The following EPHA6 variants were observed in gnomAD, a reference collection of about 807,000 sequenced individuals.
EPHA6 encodes EPH receptor A6.
EPHA6 carries 50 observed loss-of-function variants against 112.0 expected under a neutral mutation model. The observed-to-expected ratio is 0.45, with a 90% confidence interval of 0.36 to 0.56. The LOEUF is 0.56. EPHA6 is among the 20% of genes least tolerant of loss of function. The pLI, the probability that EPHA6 is intolerant of heterozygous loss-of-function variation, is 0.00. For missense variants in EPHA6, 1,280 were observed against 1,417.4 expected (o/e 0.90, Z 1.56); for synonymous variants, 529 against 490.7 (o/e 1.08, Z -1.03).
intron 14 of EPHA6, among the ~76,000 whole-genome samples, chr3:97,641,753 A>G (rs1011323602): frequency 1.2e-4 from 19 of 152,216 alleles, no homozygotes; most frequent in Admixed American, 1.3e-4. Flanking sequence ...ACAGCGCACC[A>G]CGAGATTATA....
intron 5 of EPHA6, among the ~76,000 whole-genome samples, chr3:97,249,930 C>G (rs568076927): frequency 1.3e-5 from 2 of 152,080 alleles, no homozygotes; most frequent in African/African-American, 2.4e-5. Flanking sequence ...CTTTTATAGA[C>G]ATTATACTTT....
chr3:96,955,447 C>T (rs1420094369), intron 2 of EPHA6, among the ~76,000 whole-genome samples: 1 of 152,120 alleles, frequency 6.6e-6, no homozygotes, highest in Non-Finnish European at 1.5e-5. Context: ...TAATGGATAT[C>T]TTCTAAGGAA....
chr3:97,045,779 T>C (rs929522026), intron 3 of EPHA6, among the ~76,000 whole-genome samples: 5 of 152,106 alleles, frequency 3.3e-5, no homozygotes, highest in African/African-American at 9.6e-5. Flanking sequence ...TTGTCAGCAA[T>C]GTTTGACCAC....
Position 97,749,304 on chromosome 3 carries a change from G to A in EPHA6, c.*603G>A, listed in dbSNP as rs541808061. 1 of 215,458 alleles carries A rather than the reference G, an allele frequency of 4.6e-6. No homozygotes were observed. Among genetic ancestry groups the A allele is most frequent in the African/African-American group, 2.3e-5 (1 of 44,442 alleles). The allele number at this position is 215,458 out of a possible 1,614,324, so 13.3% of individuals were successfully genotyped here. ...GACTATGGTGAGAAGGGGGTTATTA[G>A]GGAGGGAGAAAAAAATACTGTGTTT... On this transcript the variant is annotated 3_prime_UTR_variant, in exon 18 of 18. Coordinates refer to ENST00000389672, the MANE Select transcript of EPHA6 (RefSeq NM_001080448.3).
intron 13 of EPHA6, among the ~76,000 whole-genome samples, chr3:97,627,013 T>C (rs1183008408): frequency 6.6e-6 from 1 of 151,888 alleles, no homozygotes; most frequent in Non-Finnish European, 1.5e-5. Context: ...TTTCTATGGG[T>C]CAGTCATTAT....
At chr3:97,350,316 G>A (rs1241495306) in intron 5 of EPHA6, among the ~76,000 whole-genome samples, 2 of 152,040 alleles carry the variant, frequency 1.3e-5, no homozygotes, top group African/African-American at 4.8e-5. Flanking sequence ...TGTAAAGGTT[G>A]TTATTGTTTA....
chr3:96,911,195 A>G (rs112941005), intron 2 of EPHA6, among the ~76,000 whole-genome samples: 1,665 of 152,210 alleles, frequency 0.011, 28 homozygotes, highest in African/African-American at 0.038. Context: ...ATGAGCATAT[A>G]TTATCATCAG....
At chr3:97,301,387 A>G (rs2081084930) in intron 5 of EPHA6, among the ~76,000 whole-genome samples, 1 of 152,160 alleles carries the variant, frequency 6.6e-6, no homozygotes, top group Non-Finnish European at 1.5e-5. Context: ...AATATTATTC[A>G]ATTCATTTAA....
intron 3 of EPHA6, among the ~76,000 whole-genome samples, chr3:97,037,673 G>A (rs1379663265): frequency 1.3e-5 from 2 of 151,962 alleles, no homozygotes; most frequent in East Asian, 3.9e-4. Flanking sequence ...AAAGAGGAGA[G>A]CGGATCATAA....
chr3:97,332,578 G>GT (rs1404142496), intron 5 of EPHA6, among the ~76,000 whole-genome samples: 1 of 152,010 alleles, frequency 6.6e-6, no homozygotes. Flanking sequence ...AAAGTTTTAT[G>GT]TTTTTATGTT....
chr3:97,389,766 G>T (rs1165781560), intron 5 of EPHA6, among the ~76,000 whole-genome samples: 1 of 152,036 alleles, frequency 6.6e-6, no homozygotes, highest in Non-Finnish European at 1.5e-5. Flanking sequence ...CACATTTTTG[G>T]TTTTAAAATT....
At chr3:97,503,064 A>C (rs2092164428) in intron 10 of EPHA6, among the ~76,000 whole-genome samples, 1 of 152,002 alleles carries the variant, frequency 6.6e-6, no homozygotes, top group South Asian at 2.1e-4. Context: ...AACTGCTGAT[A>C]AAAATATTTA....
At chr3:97,048,021 G>A (rs1412551412) in intron 3 of EPHA6, among the ~76,000 whole-genome samples, 1 of 152,028 alleles carries the variant, frequency 6.6e-6, no homozygotes, top group East Asian at 1.9e-4. Flanking sequence ...GTTTTAGTTT[G>A]ATCAATACAG....
chr3:97,386,949 C>T (rs1003979930), intron 5 of EPHA6, among the ~76,000 whole-genome samples: 2 of 152,354 alleles, frequency 1.3e-5, no homozygotes, highest in East Asian at 3.9e-4. Flanking sequence ...GGCTTGCACC[C>T]CCTGAAGCAA....
intron 1 of EPHA6, among the ~76,000 whole-genome samples, chr3:96,820,294 G>C (rs190672197): frequency 1.3e-5 from 2 of 152,108 alleles, no homozygotes; most frequent in Admixed American, 1.3e-4. Flanking sequence ...GGGAGGTTTT[G>C]ACCAGTTGAG....
At chr3:97,033,096 A>G (rs1332471675) in intron 3 of EPHA6, among the ~76,000 whole-genome samples, 1 of 151,944 alleles carries the variant, frequency 6.6e-6, no homozygotes, top group East Asian at 1.9e-4. Flanking sequence ...CAGTACCACA[A>G]CCGAGGAATA....
At chr3:97,505,978 A>C (rs186021664) in intron 10 of EPHA6, among the ~76,000 whole-genome samples, 65 of 152,310 alleles carry the variant, frequency 4.3e-4, no homozygotes, top group Non-Finnish European at 1.5e-5. Context: ...GGCCACATAA[A>C]TGTCTTCTTT....
chr3:96,908,664 A>G (rs2039061861), intron 2 of EPHA6, among the ~76,000 whole-genome samples: 1 of 151,918 alleles, frequency 6.6e-6, no homozygotes, highest in Non-Finnish European at 1.5e-5. Context: ...ATTAATTGCA[A>G]TGGAATTTGG....
intron 2 of EPHA6, among the ~76,000 whole-genome samples, chr3:96,921,740 G>T (rs2039775804): frequency 6.6e-6 from 1 of 151,826 alleles, no homozygotes; most frequent in Non-Finnish European, 1.5e-5. Flanking sequence ...GCTAATTTTT[G>T]TATTTTTAGT....
Sources: gnomAD v4.1 joint callset for allele counts (sites outside exome capture counted in the v4.1 genomes callset) on GRCh38, gnomAD v4.1.1 for gene constraint, MANE v1.5 for transcripts, NCBI Gene and HGNC (gene_info 2026-07-23, HGNC 2026-07-21) for gene names.